Variants in GALK2 observed in about 807,000 individuals in gnomAD.
GALK2 encodes the protein galactokinase 2, also known as N-acetylgalactosamine kinase.
In GALK2, 36 loss-of-function variants were observed where a neutral mutation model predicts 52.4. The observed-to-expected ratio is 0.69, with a 90% CI of 0.53 to 0.91. The LOEUF (loss-of-function observed/expected upper bound fraction) is 0.91, where lower values mean the gene tolerates loss of function less well. GALK2 is among the 40% of genes least tolerant of loss of function. The pLI, the probability that GALK2 is intolerant of heterozygous loss-of-function variation, is 0.00. For missense variants in GALK2, 579 were observed against 559.1 expected (o/e 1.04, Z -0.36); for synonymous variants, 176 against 199.1 (o/e 0.88, Z 0.98).
At chr15:49,246,606 C>G (rs1053272146) in intron 5 of GALK2, among the ~76,000 whole-genome samples, 6 of 152,148 alleles carry the variant, frequency 3.9e-5, no homozygotes, top group Non-Finnish European at 8.8e-5. Flanking sequence ...GTGGATATCT[C>G]TGGCATTTTG....
rs550409921 is a variant in GALK2 at position 49,206,175 on chromosome 15, C to CAGAT, written c.142+4926_142+4929dup. 1.9e-3 allele frequency among the ~76,000 whole-genome samples: 283 copies of CAGAT among 152,118 alleles called. 1 individual carries two copies. Among genetic ancestry groups the CAGAT allele is most frequent in the African/African-American group, 6.5e-3 (271 of 41,500 alleles). ...TTGAAATCAGGTAGTGTGGTGCCTC[C>CAGAT]AGATTTGTTTCTTTTTGCTTAGTCT... On this transcript the variant is annotated intron_variant, in intron 2 of 9. Transcript: ENST00000560031.
chr15:49,353,636 T>A, intron 3 of GALK2: 1 of 132,208 alleles, frequency 7.6e-6, no homozygotes. Context: ...TTTTGTAAAA[T>A]CTCATAAATA....
At chr15:49,308,749 G>A (rs1272223803) in intron 8 of GALK2, among the ~76,000 whole-genome samples, 1 of 152,194 alleles carries the variant, frequency 6.6e-6, no homozygotes, top group Non-Finnish European at 1.5e-5. Context: ...GGCATACACA[G>A]ACTAAAGTGT....
intron 1 of GALK2, among the ~76,000 whole-genome samples, chr15:49,198,541 C>G (rs2087439677): frequency 6.6e-6 from 1 of 151,994 alleles, no homozygotes; most frequent in Admixed American, 6.6e-5. Flanking sequence ...TGCACAGGCC[C>G]TGTTCTTTGT....
intron 5 of GALK2, among the ~76,000 whole-genome samples, chr15:49,261,985 G>T (rs1211827404): frequency 6.6e-6 from 1 of 152,252 alleles, no homozygotes; most frequent in African/African-American, 2.4e-5. Flanking sequence ...TTTTATTGAG[G>T]ATTTTTGCAT....
rs1251929216 is a variant in GALK2 at position 49,268,674 on chromosome 15, T to TAGAAATGATC, written c.505-13301_505-13292dup. 2.6e-5 allele frequency among the ~76,000 whole-genome samples: 4 copies of TAGAAATGATC among 152,328 alleles called. No individual in the cohort carries two copies. In the East Asian group the frequency reaches 5.8e-4, roughly 22 times the overall value. On this transcript the variant is annotated intron_variant, in intron 5 of 9. Coordinates refer to ENST00000560031, the MANE Select transcript of GALK2 (RefSeq NM_002044.4). ...GGGTTCTATCCTTACTGGTATACCT[T>TAGAAATGATC]AGAAATGATCAGAAATGATCATCTT...
At chr15:49,164,802 A>T (rs1420235437) in intron 1 of GALK2, among the ~76,000 whole-genome samples, 4 of 150,776 alleles carry the variant, frequency 2.7e-5, no homozygotes, top group African/African-American at 9.8e-5. Context: ...AAAAAAAAAA[A>T]AAAAGAAATA....
chr15:49,188,839 T>C (rs1177927972), intron 1 of GALK2, among the ~76,000 whole-genome samples: 1 of 152,218 alleles, frequency 6.6e-6, no homozygotes, highest in African/African-American at 2.4e-5. Flanking sequence ...TTATTTTCAA[T>C]TCCTGAATTG....
intron 1 of GALK2, chr15:49,185,774 C>A (rs749183810): frequency 6.6e-6 from 1 of 152,142 alleles, no homozygotes; most frequent in Admixed American, 6.5e-5. Flanking sequence ...GTTTCTTCAG[C>A]GTTTCTTGTA....
upstream of GALK2, chr15:49,170,173 A>G (rs1266245356): frequency 6.8e-7 from 1 of 1,462,040 alleles, no homozygotes; most frequent in Non-Finnish European, 9.0e-7. Flanking sequence ...GATTGGAAGC[A>G]GCCACCTCAG....
intron 1 of GALK2, chr15:49,170,678 C>T (rs2085012896): frequency 6.1e-6 from 2 of 326,128 alleles, no homozygotes; most frequent in African/African-American, 2.1e-5. Context: ...TGCCCATATC[C>T]ACACTGAACT....
At chr15:49,195,765 G>GA (rs2087168677) in intron 1 of GALK2, among the ~76,000 whole-genome samples, 1 of 151,870 alleles carries the variant, frequency 6.6e-6, no homozygotes, top group Non-Finnish European at 1.5e-5. Flanking sequence ...TTAGAGGGTA[G>GA]AGCCAGGGAG....
At chr15:49,231,295 A>T (rs749832516) in intron 3 of GALK2, among the ~76,000 whole-genome samples, 2 of 152,138 alleles carry the variant, frequency 1.3e-5, no homozygotes, top group Non-Finnish European at 2.9e-5. Flanking sequence ...CACTTTTTAC[A>T]CAACCAAGTC....
At chr15:49,226,408 C>A (rs1039447185) in intron 3 of GALK2, among the ~76,000 whole-genome samples, 2 of 152,154 alleles carry the variant, frequency 1.3e-5, no homozygotes, top group Admixed American at 1.3e-4. Flanking sequence ...TGTTGCTTCT[C>A]TATCTACTCT....
intron 5 of GALK2, among the ~76,000 whole-genome samples, chr15:49,276,970 C>CTTTTTTTTTT (rs1233754984): frequency 3.5e-5 from 1 of 28,328 alleles, no homozygotes; most frequent in African/African-American, 1.2e-4. Flanking sequence ...TTTTTCTTTT[C>CTTTTTTTTTT]TTTTTTTTTT....
intron 8 of GALK2, among the ~76,000 whole-genome samples, chr15:49,315,603 A>G (rs1372036988): frequency 6.6e-6 from 1 of 152,236 alleles, no homozygotes; most frequent in Non-Finnish European, 1.5e-5. Flanking sequence ...AGCTTTTGGC[A>G]AGATTTTTAT....
chr15:49,305,338 G>A (rs1050722878), intron 8 of GALK2, among the ~76,000 whole-genome samples: 1 of 152,170 alleles, frequency 6.6e-6, no homozygotes, highest in African/African-American at 2.4e-5. Flanking sequence ...GGTTTCAGAC[G>A]AAAATATGAC....
intron 5 of GALK2, among the ~76,000 whole-genome samples, chr15:49,275,835 C>G (rs530636895): frequency 2.0e-5 from 3 of 152,002 alleles, no homozygotes; most frequent in African/African-American, 7.3e-5. Flanking sequence ...TAAATTGAAC[C>G]CTGTTATTTC....
chr15:49,178,167 CA>C (rs376324541), intron 1 of GALK2, among the ~76,000 whole-genome samples: 4,069 of 65,722 alleles, frequency 0.062, 58 homozygotes, highest in Non-Finnish European at 0.075. Context: ...GACTCTGTTT[CA>C]AAAAAAAAAA....
Sources: allele counts gnomAD v4.1 joint callset (sites outside exome capture counted in the v4.1 genomes callset), GRCh38; gene constraint gnomAD v4.1.1; transcripts MANE v1.5; gene names NCBI Gene and HGNC (gene_info 2026-07-23, HGNC 2026-07-21).